The following TP73 variants were observed in gnomAD, a reference collection of about 807,000 sequenced individuals.
TP73 encodes the protein p53-like transcription factor.
TP73 carries 25 observed loss-of-function variants against 62.5 expected under a neutral mutation model. The observed-to-expected ratio is 0.40, with a 90% confidence interval of 0.29 to 0.56. The LOEUF is 0.56. Ranked by LOEUF, TP73 falls within the 20% of genes least tolerant of loss-of-function variation. The pLI is 0.46. For missense variants in TP73, 754 were observed against 913.3 expected (o/e 0.83, Z 2.25); for synonymous variants, 423 against 377.5 (o/e 1.12, Z -1.40).
chr1:3,661,595 G>A (rs1644988155), intron 1 of TP73, among the ~76,000 whole-genome samples: 2 of 151,624 alleles, frequency 1.3e-5, no homozygotes, highest in Admixed American at 6.6e-5. Flanking sequence ...TGTAATCTCA[G>A]CTACTCGGGA....
Position 3,733,191 on chromosome 1 carries a change from G to C in TP73, c.*112G>C, listed in dbSNP as rs1397068703. The C allele has an allele frequency of 3.1e-6, 4 of 1,287,642 alleles. No individual in the cohort carries two copies. Among genetic ancestry groups the C allele is most frequent in the Non-Finnish European group, 3.1e-6 (3 of 959,240 alleles). The allele number at this position is 1,287,642 out of a possible 1,614,324, so 79.8% of individuals were successfully genotyped here. A position where few individuals can be genotyped will look rare whatever the true frequency, so the allele number is the denominator to read the frequency against. ...GAGGCAGGACCTTCGGGCTGTGCCC[G>C]GGGAAAGGCAAGGTCCGGCCCATCC... On this transcript the variant is annotated 3_prime_UTR_variant, in exon 14 of 14. Coordinates refer to ENST00000378295, the MANE Select transcript of TP73 (RefSeq NM_005427.4).
chr1:3,690,522 A>T, intron 3 of TP73: 2 of 823,308 alleles, frequency 2.4e-6, no homozygotes, highest in Non-Finnish European at 3.0e-6. Context: ...TGGTGGGTTT[A>T]ATTATGGAGC....
intron 3 of TP73, chr1:3,690,906 A>G (rs1192784243): frequency 1.3e-6 from 2 of 1,578,342 alleles, no homozygotes; most frequent in South Asian, 2.3e-5. Flanking sequence ...GGCGCCTACC[A>G]TGCTGTACGT....
chr1:3,712,554 G>C (rs893377249), intron 4 of TP73: 2 of 152,218 alleles, frequency 1.3e-5, no homozygotes, highest in African/African-American at 4.8e-5. Context: ...GAGGAGACAG[G>C]AGGGAGAACC....
chr1:3,722,233 A>G, intron 5 of TP73, 26 bp downstream of exon 5: 1 of 1,611,020 alleles, frequency 6.2e-7, no homozygotes, highest in Non-Finnish European at 8.5e-7. Flanking sequence ...TCCTCTGCCC[A>G]CGGTGGCACT....
At chr1:3,731,199 G>C in intron 12 of TP73, 134 bp downstream of exon 12, 1 of 1,303,818 alleles carries the variant, frequency 7.7e-7, no homozygotes, top group Non-Finnish European at 1.0e-6. Context: ...AGGCGGGCGG[G>C]GGCAGTCAGG....
intron 3 of TP73, among the ~76,000 whole-genome samples, chr1:3,687,704 C>T (rs983965398): frequency 2.0e-5 from 3 of 152,148 alleles, no homozygotes; most frequent in African/African-American, 7.2e-5. Flanking sequence ...CCGTCCTCTC[C>T]CCTCCCCTCT....
chr1:3,706,678 G>A lies in TP73; in HGVS notation c.187-871G>A, dbSNP rs1374987357. ...TGCCCTGCCCTGGATCTGAGACATCGAGGCCAGACCAGCACCCCCTCCCTC... is the reference window on the plus strand; with the variant it reads ...TGCCCTGCCCTGGATCTGAGACATCAAGGCCAGACCAGCACCCCCTCCCTC... On this transcript the variant is annotated intron_variant, in intron 3 of 13. Coordinates refer to ENST00000378295, the MANE Select transcript of TP73 (RefSeq NM_005427.4). 7.9e-5 allele frequency among the ~76,000 whole-genome samples: 12 copies of A among 152,196 alleles called. No homozygotes were observed. The South Asian group carries it at 2.5e-3, about 32-fold the overall frequency.
At chr1:3,671,507 G>A (rs79037007) in intron 1 of TP73, among the ~76,000 whole-genome samples, 10,218 of 152,292 alleles carry the variant, frequency 0.067, 481 homozygotes, top group East Asian at 0.17. Flanking sequence ...AGCCCCCTTC[G>A]TGACGGGGGC....
intron 3 of TP73, among the ~76,000 whole-genome samples, chr1:3,692,717 G>A (rs1645882270): frequency 6.6e-6 from 1 of 152,116 alleles, no homozygotes; most frequent in South Asian, 2.1e-4. Flanking sequence ...AGAAGCCTGG[G>A]GACCTGGGGG....
intron 1 of TP73, chr1:3,658,997 C>G (rs753726196): frequency 6.6e-6 from 1 of 152,068 alleles, no homozygotes; most frequent in Non-Finnish European, 1.5e-5. Context: ...GTATTCTGGT[C>G]TCCTATAGTC....
intron 3 of TP73, among the ~76,000 whole-genome samples, chr1:3,685,415 C>T (rs1645627887): frequency 6.6e-6 from 1 of 152,214 alleles, no homozygotes. Context: ...CACGCCTCCT[C>T]CCAAAGCCAT....
intron 4 of TP73, chr1:3,708,440 T>C (rs1054233373): frequency 1.5e-4 from 24 of 154,922 alleles, no homozygotes; most frequent in African/African-American, 4.6e-4. Context: ...CCAGGCACCA[T>C]GCTCAGGGCT....
intron 4 of TP73, among the ~76,000 whole-genome samples, chr1:3,710,000 G>A (rs922444976): frequency 6.6e-6 from 1 of 152,092 alleles, no homozygotes; most frequent in Non-Finnish European, 1.5e-5. Flanking sequence ...CAGGTTCAAG[G>A]GACTTCATGG....
intron 2 of TP73, 26 bp downstream of exon 2, chr1:3,682,456 TG>T (rs2102089968): frequency 4.8e-6 from 7 of 1,468,384 alleles, no homozygotes; most frequent in Admixed American, 4.3e-5. Context: ...TGGCCAGAGC[TG>T]GGGGCCCCCC....
chr1:3,731,316 G>A (rs1029925084), intron 12 of TP73, 147 bp from the exon 13 acceptor site: 2 of 946,614 alleles, frequency 2.1e-6, no homozygotes, highest in African/African-American at 1.6e-5. Context: ...CCCTCCCTGA[G>A]GGATGCCGTG....
intron 3 of TP73, chr1:3,690,750 C>T (rs1033623214): frequency 1.4e-6 from 2 of 1,458,148 alleles, no homozygotes; most frequent in African/African-American, 2.8e-5. Flanking sequence ...TCCCCAGCAT[C>T]CTCGGCTCCT....
intron 8 of TP73, 134 bp downstream of exon 8, chr1:3,727,904 C>T (rs1287445678): frequency 1.7e-5 from 23 of 1,351,536 alleles, no homozygotes; most frequent in African/African-American, 2.9e-5. Context: ...TCCTCCCTGA[C>T]GGAGCCTGAG....
chr1:3,721,568 G>T (rs1210477864), intron 4 of TP73, among the ~76,000 whole-genome samples: 1 of 152,250 alleles, frequency 6.6e-6, no homozygotes, highest in East Asian at 1.9e-4. Flanking sequence ...TGCCAGAGAA[G>T]CCTAGCTCTG....
Sources: allele counts gnomAD v4.1 joint callset (sites outside exome capture counted in the v4.1 genomes callset), GRCh38; gene constraint gnomAD v4.1.1; transcripts MANE v1.5; gene names NCBI Gene and HGNC (gene_info 2026-07-23, HGNC 2026-07-21).